CNTN5: variants seen among roughly 807,000 people sequenced by gnomAD.
The protein encoded by CNTN5 is contactin 5.
In CNTN5, 77 loss-of-function variants were observed where a neutral mutation model predicts 129.1. The observed-to-expected ratio is 0.60, with a 90% CI of 0.50 to 0.72. The LOEUF (loss-of-function observed/expected upper bound fraction) is 0.72. CNTN5 is among the 30% of genes least tolerant of loss of function. The pLI, the probability that CNTN5 is intolerant of heterozygous loss-of-function variation, is 0.00. For synonymous variants in CNTN5, 509 were observed against 465.6 expected, an observed-to-expected ratio of 1.09 and a Z score of -1.20; for missense variants, 1,478 against 1,328.8, an observed-to-expected ratio of 1.11 and a Z score of -1.75.
chr11:99,688,293 C>T (rs557251820), intron 3 of CNTN5, among the ~76,000 whole-genome samples: 3 of 152,122 alleles, frequency 2.0e-5, no homozygotes, highest in East Asian at 1.9e-4. Flanking sequence ...TTTCCCATCT[C>T]GGTCTCCCAA....
chr11:99,686,950 G>T (rs947167188), intron 3 of CNTN5, among the ~76,000 whole-genome samples: 3 of 152,092 alleles, frequency 2.0e-5, no homozygotes, highest in African/African-American at 4.8e-5. Flanking sequence ...CTGCCCAAAG[G>T]TGAACAACTT....
At chr11:99,763,650 C>A (rs1337042659) in intron 3 of CNTN5, among the ~76,000 whole-genome samples, 2 of 151,960 alleles carry the variant, frequency 1.3e-5, no homozygotes, top group African/African-American at 4.8e-5. Flanking sequence ...AGACAGAGTT[C>A]TAATACAATT....
At chr11:99,078,144 A>G (rs1034668960) in intron 1 of CNTN5, among the ~76,000 whole-genome samples, 2 of 152,164 alleles carry the variant, frequency 1.3e-5, no homozygotes, top group African/African-American at 2.4e-5. Flanking sequence ...TGTCATTTCT[A>G]TTTCCTTGTT....
At chr11:99,283,926 A>G (rs1863812344) in intron 1 of CNTN5, among the ~76,000 whole-genome samples, 1 of 152,172 alleles carries the variant, frequency 6.6e-6, no homozygotes, top group South Asian at 2.1e-4. Context: ...TACGAGCAGT[A>G]CATTAACCTT....
chr11:99,959,880 T>C (rs920691150), intron 8 of CNTN5, among the ~76,000 whole-genome samples: 15 of 152,158 alleles, frequency 9.9e-5, no homozygotes, highest in African/African-American at 3.1e-4. Context: ...ATTTGTTTTT[T>C]TCTGTAACTT....
chr11:99,459,748 T>C (rs2656191), intron 2 of CNTN5, among the ~76,000 whole-genome samples: 30,905 of 152,046 alleles, frequency 0.2, 3,476 homozygotes, highest in Middle Eastern at 0.34. Context: ...CAATGAAATA[T>C]ATATGTGCAT....
chr11:100,145,317 A>T (rs1036747948), intron 13 of CNTN5, among the ~76,000 whole-genome samples: 1 of 152,080 alleles, frequency 6.6e-6, no homozygotes, highest in Non-Finnish European at 1.5e-5. Context: ...CCAATTATAT[A>T]TGTCTTTATT....
intron 7 of CNTN5, among the ~76,000 whole-genome samples, chr11:99,925,227 A>G (rs1443204): frequency 0.062 from 9,437 of 152,262 alleles, 563 homozygotes; most frequent in East Asian, 0.27. Context: ...GGGAAGGAAA[A>G]TAAAATCATA....
chr11:99,747,460 CTTTTTTTTTTT>C (rs55790126), intron 3 of CNTN5, among the ~76,000 whole-genome samples: 1 of 85,758 alleles, frequency 1.2e-5, no homozygotes. Flanking sequence ...AGTCAGCATC[CTTTTTTTTTTT>C]TTTTTTTTTT....
chr11:99,420,973 G>C (rs1335076097), intron 2 of CNTN5, among the ~76,000 whole-genome samples: 1 of 152,134 alleles, frequency 6.6e-6, no homozygotes, highest in South Asian at 2.1e-4. Context: ...ATGGATAGCA[G>C]GGCCCTTCTT....
At position 100,193,485 on chromosome 11, in the gene CNTN5, T is replaced by A; in HGVS notation, c.1709-3T>A. The A allele has an allele frequency of 6.5e-7, 1 of 1,531,580 alleles. No individual in the cohort carries two copies. The highest frequency in any genetic ancestry group is 8.9e-7 in the Non-Finnish European group (1 of 1,129,394). The allele number at this position is 1,531,580 out of a possible 1,614,324, so 94.9% of individuals were successfully genotyped here. ...CTTAATTAACGTATTTTTATTTCTA[T>A]AGAACCTACAAGGATAGAACTTACT... On this transcript the variant is annotated splice_region_variant and splice_polypyrimidine_tract_variant and intron_variant, in intron 14 of 24. Coordinates refer to ENST00000524871, the MANE Select transcript of CNTN5 (RefSeq NM_014361.4).
chr11:99,087,375 T>C (rs1404902401), intron 1 of CNTN5, among the ~76,000 whole-genome samples: 2 of 152,198 alleles, frequency 1.3e-5, no homozygotes, highest in Non-Finnish European at 2.9e-5. Context: ...ATATGGTTCT[T>C]CCTTGGGCCA....
chr11:99,623,965 T>C (rs1951043549), intron 3 of CNTN5, among the ~76,000 whole-genome samples: 1 of 152,096 alleles, frequency 6.6e-6, no homozygotes, highest in African/African-American at 2.4e-5. Context: ...GGGTGAGAAG[T>C]TGATATTCTG....
chr11:100,049,736 G>A (rs1942860816), intron 9 of CNTN5, among the ~76,000 whole-genome samples: 2 of 151,970 alleles, frequency 1.3e-5, no homozygotes, highest in Admixed American at 6.6e-5. Flanking sequence ...CTGACAAAGG[G>A]CTAATATCCA....
At chr11:99,256,447 T>TTA (rs1862381739) in intron 1 of CNTN5, among the ~76,000 whole-genome samples, 1 of 152,066 alleles carries the variant, frequency 6.6e-6, no homozygotes, top group South Asian at 2.1e-4. Flanking sequence ...ATTCAGCATT[T>TTA]TATATATATG....
chr11:99,960,338 C>G (rs1036623368), intron 8 of CNTN5, among the ~76,000 whole-genome samples: 7 of 149,914 alleles, frequency 4.7e-5, no homozygotes, highest in African/African-American at 1.7e-4. Context: ...TTTCCTTCAT[C>G]TTTCCTAAGC....
At position 99,913,136 on chromosome 11, in the gene CNTN5, G is replaced by A. The variant is rs115683275; in HGVS notation, c.578-2918G>A. 9.9e-3 allele frequency among the ~76,000 whole-genome samples: 1,505 copies of A among 151,910 alleles called. 30 individuals are homozygous for A. The highest frequency in any genetic ancestry group is 0.034 in the African/African-American group (1,403 of 41,454). On this transcript the variant is annotated intron_variant, in intron 6 of 24. Coordinates refer to ENST00000524871, the MANE Select transcript of CNTN5 (RefSeq NM_014361.4). ...CACTGAACCTGCACATACATCCACCGAAGTATTTCAAAGTTCTCTGATTAA... is the reference window on the plus strand; with the variant it reads ...CACTGAACCTGCACATACATCCACCAAAGTATTTCAAAGTTCTCTGATTAA...
chr11:99,300,788 G>C (rs896846038), intron 1 of CNTN5, among the ~76,000 whole-genome samples: 1 of 151,490 alleles, frequency 6.6e-6, no homozygotes, highest in Non-Finnish European at 1.5e-5. Context: ...TACATATGAA[G>C]AAACAAAAAG....
At chr11:99,799,081 T>C (rs1946035459) in intron 3 of CNTN5, among the ~76,000 whole-genome samples, 1 of 152,098 alleles carries the variant, frequency 6.6e-6, no homozygotes, top group Non-Finnish European at 1.5e-5. Flanking sequence ...TATTAGTATA[T>C]AGAAATGTTA....
Sources: allele counts gnomAD v4.1 joint callset (sites outside exome capture counted in the v4.1 genomes callset), GRCh38; gene constraint gnomAD v4.1.1; transcripts MANE v1.5; gene names NCBI Gene and HGNC (gene_info 2026-07-23, HGNC 2026-07-21).